PDS5A: variants seen among roughly 807,000 people sequenced by gnomAD.
PDS5A encodes PDS5 cohesin associated factor A.
In PDS5A, 42 loss-of-function variants were observed where a neutral mutation model predicts 167.1. That is an observed-to-expected ratio of 0.25 (90% CI 0.20 to 0.33). PDS5A has a LOEUF of 0.33. Among genes scored for constraint, PDS5A ranks in the 10% least tolerant of loss-of-function variants. The pLI, the probability that PDS5A is intolerant of heterozygous loss-of-function variation, is 1.00. For synonymous variants in PDS5A, 553 were observed against 554.6 expected, an observed-to-expected ratio of 1.00 and a Z score of 0.04; for missense variants, 1,033 against 1,605.9, an observed-to-expected ratio of 0.64 and a Z score of 6.10.
chr4:39,879,608 A>G (rs1005792874), intron 18 of PDS5A, 120 bp downstream of exon 18: 1 of 554,310 alleles, frequency 1.8e-6, no homozygotes, highest in Non-Finnish European at 3.3e-6. Flanking sequence ...AATTTCCAAC[A>G]CAAGTTTTAA....
In PDS5A at chr4:39,970,927, T is replaced by C. The variant is rs180988189; in HGVS notation, c.138+5513A>G. On this transcript the variant is annotated intron_variant, in intron 2 of 32. Transcript: ENST00000303538. Reference sequence around the variant, plus strand: ...GATCCTCCCACCTCACCCTCCTGAGTAGCTACGACCATATTTGCATTTTTT... The same window carrying C: ...GATCCTCCCACCTCACCCTCCTGAGCAGCTACGACCATATTTGCATTTTTT... 3.0e-4 allele frequency among the ~76,000 whole-genome samples: 45 copies of C among 149,224 alleles called. 1 individual carries two copies. The highest frequency in any genetic ancestry group is 1.1e-3 in the African/African-American group (44 of 40,194).
At chr4:39,902,814 C>T (rs1038517512) in intron 12 of PDS5A, among the ~76,000 whole-genome samples, 6 of 152,104 alleles carry the variant, frequency 3.9e-5, no homozygotes, top group Admixed American at 3.3e-4. Flanking sequence ...GCATGAGGCA[C>T]CACACCCAGC....
intron 32 of PDS5A, among the ~76,000 whole-genome samples, chr4:39,836,858 G>T (rs868303107): frequency 6.7e-6 from 1 of 149,014 alleles, no homozygotes; most frequent in Non-Finnish European, 1.5e-5. Context: ...ACCCAGGCTG[G>T]AGTGCAGTGT....
chr4:39,958,133 C>G (rs1271493231), intron 2 of PDS5A, among the ~76,000 whole-genome samples: 2 of 152,134 alleles, frequency 1.3e-5, no homozygotes, highest in African/African-American at 4.8e-5. Flanking sequence ...CTCAAGTGAT[C>G]CGTCTGCCTT....
chr4:39,936,112 A>G (rs1031195123), intron 2 of PDS5A, among the ~76,000 whole-genome samples: 23 of 152,234 alleles, frequency 1.5e-4, no homozygotes, highest in African/African-American at 5.5e-4. Flanking sequence ...TATGAGGGTG[A>G]TAAGTTCACT....
At chr4:39,957,739 A>G (rs934884329) in intron 2 of PDS5A, among the ~76,000 whole-genome samples, 1 of 145,114 alleles carries the variant, frequency 6.9e-6, no homozygotes, top group Non-Finnish European at 1.5e-5. Context: ...GTGAGCTGAG[A>G]CTGTACCACT....
At position 39,947,854 on chromosome 4, in the gene PDS5A, C is replaced by G. The variant is rs573465383; in HGVS notation, c.139-19690G>C. ...GACTGGCCCCATGATGGAACACCTCCCAGTAGGCCCCAATTCCCAACACTG... is the reference window on the plus strand; with the variant it reads ...GACTGGCCCCATGATGGAACACCTCGCAGTAGGCCCCAATTCCCAACACTG... On this transcript the variant is annotated intron_variant, in intron 2 of 32. Transcript: ENST00000303538. Among the ~76,000 whole-genome samples, 20 of 152,226 alleles carry G rather than the reference C, an allele frequency of 1.3e-4. 1 individual carries two copies. Among genetic ancestry groups the G allele is most frequent in the Admixed American group, 1.2e-3 (18 of 15,280 alleles).
chr4:39,838,037 C>G lies in PDS5A; in HGVS notation c.3829G>C (p.Glu1277Gln). 2 of 1,613,988 alleles carry G rather than the reference C, an allele frequency of 1.2e-6. No individual in the cohort carries two copies. The highest frequency in any genetic ancestry group is 2.7e-5 in the African/African-American group (2 of 75,028). Residue 1277 changes from glutamate to glutamine, a missense_variant, in exon 32 of 33, where the codon GAA becomes CAA. Physicochemically the swap from Glu to Gln is conservative, Grantham distance 29. Around this residue, in one of 4 missense-constraint regions of PDS5A, gnomAD observed 233 missense variants for 264.0 expected, o/e 0.88. Transcript: ENST00000303538. ...TTTTTGGTAGCATTGCCCTGAGATT[C>G]AGACTTGGGTCGACGTCCTCTCCTG... ...KPRRGRRPKS[E>Q]SQGNATKNDD...
At chr4:39,925,152 T>A (rs1725344527) in intron 5 of PDS5A, among the ~76,000 whole-genome samples, 1 of 150,902 alleles carries the variant, frequency 6.6e-6, no homozygotes, top group East Asian at 1.9e-4. Flanking sequence ...AATAAAACAA[T>A]AACAACAAAA....
intron 12 of PDS5A, among the ~76,000 whole-genome samples, chr4:39,903,531 A>C (rs963979433): frequency 1.3e-5 from 2 of 152,250 alleles, no homozygotes; most frequent in Non-Finnish European, 2.9e-5. Flanking sequence ...TCAGAAAATG[A>C]AAACAACTTA....
chr4:39,859,284 C>A (rs1578619816), intron 26 of PDS5A, among the ~76,000 whole-genome samples: 1 of 151,986 alleles, frequency 6.6e-6, no homozygotes, highest in East Asian at 1.9e-4. Flanking sequence ...CTTAAAAAAA[C>A]AAACAAACAA....
chr4:39,883,246 C>T (rs2381448), intron 17 of PDS5A, among the ~76,000 whole-genome samples: 37,454 of 151,916 alleles, frequency 0.25, 4,992 homozygotes, highest in East Asian at 0.44. Context: ...AATGGTGCGA[C>T]CTCAGCTCAC....
intron 28 of PDS5A, chr4:39,848,558 C>T (rs575803845): frequency 3.1e-6 from 1 of 319,114 alleles, no homozygotes; most frequent in African/African-American, 2.2e-5. Flanking sequence ...TTTTTCTTAT[C>T]TGCAAAAATA....
intron 2 of PDS5A, among the ~76,000 whole-genome samples, chr4:39,930,246 A>AAAAAAAAAAAAATTTTTTTTTTTT: frequency 1.1e-5 from 1 of 93,088 alleles, no homozygotes. Context: ...AAAAAAAAAA[A>AAAAAAAAAAAAATTTTTTTTTTTT]GTTTTTTTGT....
At chr4:39,894,466 G>C (rs922386501) in intron 16 of PDS5A, among the ~76,000 whole-genome samples, 1 of 151,982 alleles carries the variant, frequency 6.6e-6, no homozygotes, top group African/African-American at 2.4e-5. Context: ...TGCAAAGGTT[G>C]AGGTTGTCTG....
chr4:39,932,042 GCCA>G (rs947914675), intron 2 of PDS5A, among the ~76,000 whole-genome samples: 1 of 151,944 alleles, frequency 6.6e-6, no homozygotes, highest in Admixed American at 6.6e-5. Flanking sequence ...ACAGGCACTC[GCCA>G]CCAAGTCTGG....
rs1313199431 is a variant in PDS5A at position 39,976,542 on chromosome 4, G to A, written c.36C>T (p.Ala12=). The change falls in exon 2 of 33, where the codon GCC becomes GCT. Residue 12 remains alanine (A), a synonymous_variant. Coordinates refer to ENST00000303538, the MANE Select transcript of PDS5A (RefSeq NM_001100399.2). ...DFTAQPKPAT[A]LCGVVSADGK... ...CGTCGGCACTCACGACGCCACAGAG[G>A]GCAGTGGCAGGCTTGGGCTGCGCGG... 1 of 1,613,260 alleles carries A rather than the reference G, an allele frequency of 6.2e-7. No homozygotes were observed. The highest frequency in any genetic ancestry group is 1.1e-5 in the South Asian group (1 of 91,020).
Position 39,879,827 on chromosome 4 carries a change from T to C in PDS5A, c.1893A>G (p.Leu631=), listed in dbSNP as rs1337971444. The C allele has an allele frequency of 5.7e-6, 9 of 1,583,920 alleles. No individual in the cohort carries two copies. The highest frequency in any genetic ancestry group is 1.3e-5 in the African/African-American group (1 of 74,332). The change falls in exon 18 of 33, where the codon CTA becomes CTG. Residue 631 remains leucine (L), a synonymous_variant. Transcript: ENST00000303538. ...CTATTGACTTATTCATCAATTTCAC[T>C]AGTGCACTATAAAAAGAAGAAAATA... The part of the protein sequence containing the change: ...VHIDSEAISA[L]VKLMNKSIEG...
chr4:39,858,967 C>T (rs545572828), intron 26 of PDS5A, among the ~76,000 whole-genome samples: 4 of 152,224 alleles, frequency 2.6e-5, no homozygotes, highest in African/African-American at 9.6e-5. Context: ...AGAAAAAATA[C>T]ACTGGGCTTC....
Sources: gnomAD v4.1 joint callset for allele counts (sites outside exome capture counted in the v4.1 genomes callset) on GRCh38, gnomAD v4.1.1 for gene constraint, gnomAD v4.1.1 regional missense constraint, MANE v1.5 for transcripts, NCBI Gene and HGNC (gene_info 2026-07-23, HGNC 2026-07-21) for gene names.